Variants in CNOT1 observed in about 807,000 individuals in gnomAD.
CNOT1 encodes the protein CCR4-associated factor 1.
A neutral mutation model predicts 273.8 loss-of-function variants in CNOT1; 15 were observed. The observed-to-expected ratio is 0.05, with a 90% CI of 0.04 to 0.08. The LOEUF (loss-of-function observed/expected upper bound fraction) is 0.08, where lower values mean the gene tolerates loss of function less well. CNOT1 is among the 10% of genes least tolerant of loss of function. The pLI, the probability that CNOT1 is intolerant of heterozygous loss-of-function variation, is 1.00. For missense variants in CNOT1, 1,644 were observed against 2,912.2 expected, an observed-to-expected ratio of 0.56 and a Z score of 10.02; for synonymous variants, 1,022 against 1,005.5, an observed-to-expected ratio of 1.02 and a Z score of -0.31.
At chr16:58,581,927 T>C (rs1244442539) in intron 10 of CNOT1, among the ~76,000 whole-genome samples, 2 of 152,090 alleles carry the variant, frequency 1.3e-5, no homozygotes, top group African/African-American at 4.8e-5. Context: ...CCTCCCAAAA[T>C]GCTGGGATTA....
chr16:58,603,368 C>T (rs1466901955), intron 1 of CNOT1, among the ~76,000 whole-genome samples: 1 of 151,020 alleles, frequency 6.6e-6, no homozygotes, highest in Non-Finnish European at 1.5e-5. Flanking sequence ...TGCATTCCAG[C>T]CTGGGATAAC....
chr16:58,525,916 C>CCACAAA (rs759645848), intron 45 of CNOT1, 73 bp downstream of exon 45: 126 of 1,293,996 alleles, frequency 9.7e-5, no homozygotes, highest in Non-Finnish European at 1.3e-4. Context: ...CCCAAATGGA[C>CCACAAA]CACACACAGG....
chr16:58,538,199 G>A lies in CNOT1; in HGVS notation c.5203C>T (p.His1735Tyr). Residue 1735 changes from histidine (H) to tyrosine (Y), a missense_variant, in exon 37 of 49, where the codon CAT (histidine) becomes TAT (tyrosine). Physicochemically the swap from His to Tyr is moderately conservative, Grantham distance 83. Around this residue, in one of 13 missense-constraint regions of CNOT1, gnomAD observed 170 missense variants for 273.1 expected, o/e 0.62. Transcript: ENST00000317147. Reference sequence around the variant, plus strand: ...TCATACTGCTGCATATTAACCAAATGATTGCGAATTAGCAGCTCCACAGCC... The same window carrying A: ...TCATACTGCTGCATATTAACCAAATAATTGCGAATTAGCAGCTCCACAGCC... Reference protein sequence around the residue: ...VEAVELLIRNHLVNMQQYDLH... With the variant: ...VEAVELLIRNYLVNMQQYDLH... 2 of 1,527,016 alleles carry A rather than the reference G, an allele frequency of 1.3e-6. No individual in the cohort carries two copies. Among genetic ancestry groups the A allele is most frequent in the Non-Finnish European group, 1.8e-6 (2 of 1,100,368 alleles). 94.6% of individuals were successfully genotyped at this position (1,527,016 alleles called of 1,614,324 possible). A position where few individuals can be genotyped will look rare whatever the true frequency, so the allele number is the denominator to read the frequency against.
chr16:58,596,887 C>CAAAAAAA (rs58567423), intron 2 of CNOT1, among the ~76,000 whole-genome samples: 186 of 69,984 alleles, frequency 2.7e-3, no homozygotes, highest in Admixed American at 3.6e-3. Flanking sequence ...GACTCCGTCT[C>CAAAAAAA]AAAAAAAAAA....
chr16:58,565,314 G>A lies in CNOT1; in HGVS notation c.1980-4952C>T, dbSNP rs551677675. Among the ~76,000 whole-genome samples the A allele has an allele frequency of 4.6e-5, 7 of 151,968 alleles. No individual in the cohort carries two copies. The East Asian group carries it at 5.8e-4, about 13-fold the overall frequency. On this transcript the variant is annotated intron_variant, in intron 16 of 48. Coordinates refer to ENST00000317147, the MANE Select transcript of CNOT1 (RefSeq NM_016284.5). ...TTTTTTTTCAGAGACGGGGTTTCGC[G>A]ACATTGCCCAGGCTGGTCTCAAACT... is the stretch of plus-strand genomic sequence containing the variant.
chr16:58,540,828 G>A (rs757966983), intron 34 of CNOT1, among the ~76,000 whole-genome samples: 4 of 152,230 alleles, frequency 2.6e-5, no homozygotes, highest in Non-Finnish European at 2.9e-5. Context: ...ACTTACTATC[G>A]ACCGGTTCGG....
intron 2 of CNOT1, among the ~76,000 whole-genome samples, chr16:58,592,102 T>A (rs1437269049): frequency 6.6e-6 from 1 of 152,180 alleles, no homozygotes; most frequent in Non-Finnish European, 1.5e-5. Context: ...TTTTTAATTA[T>A]TTTACTCGTC....
In CNOT1 at chr16:58,576,400, C is replaced by T. The variant is rs1405659125; in HGVS notation, c.1704+63G>A. The T allele has an allele frequency of 4.2e-5, 67 of 1,603,710 alleles. No individual in the cohort carries two copies. In the East Asian group the frequency reaches 1.3e-3, roughly 31 times the overall value. On this transcript the variant is annotated intron_variant, in intron 14 of 48. Coordinates refer to ENST00000317147, the MANE Select transcript of CNOT1 (RefSeq NM_016284.5). Reference sequence around the variant, plus strand: ...TGCTGGGATTACAGGCATGAGCCACCGCGCCCGGCCTTTTTTTCTCATTAG... The same window carrying T: ...TGCTGGGATTACAGGCATGAGCCACTGCGCCCGGCCTTTTTTTCTCATTAG...
At chr16:58,602,628 G>C (rs2042515954) in intron 1 of CNOT1, among the ~76,000 whole-genome samples, 1 of 150,334 alleles carries the variant, frequency 6.7e-6, no homozygotes, top group Admixed American at 6.6e-5. Flanking sequence ...CTACCCAGGA[G>C]GTTGAGGCAG....
Position 58,520,938 on chromosome 16 carries a change from C to A in CNOT1, c.*20G>T. 6.2e-7 allele frequency: 1 copy of A among 1,610,796 alleles called. No individual in the cohort carries two copies. Among genetic ancestry groups the A allele is most frequent in the Middle Eastern group, 1.7e-4 (1 of 6,060 alleles). ...AGTGAGACCTCTAGACTGACACGTACAACAGAGATGCAGTTTCGTCTAACT... is the reference window on the plus strand; with the variant it reads ...AGTGAGACCTCTAGACTGACACGTAAAACAGAGATGCAGTTTCGTCTAACT... On this transcript the variant is annotated 3_prime_UTR_variant, in exon 49 of 49. Transcript: ENST00000317147.
intron 19 of CNOT1, 33 bp from the exon 20 acceptor site, chr16:58,555,941 T>G (rs768567876): frequency 6.2e-7 from 1 of 1,605,380 alleles, no homozygotes; most frequent in Non-Finnish European, 8.5e-7. Context: ...CAGTGGGCAT[T>G]TAAGCCCTTC....
At position 58,528,586 on chromosome 16, in the gene CNOT1, A is replaced by G. The variant is rs2039677205; in HGVS notation, c.6342T>C (p.His2114=). 3.7e-6 allele frequency: 6 copies of G among 1,613,650 alleles called. No homozygotes were observed. Among genetic ancestry groups the G allele is most frequent in the Non-Finnish European group, 5.1e-6 (6 of 1,179,624 alleles). The part of the protein sequence containing the change: ...HDFPEFLCDY[H]YGFCDVIPPN... ...GTGGGATCACATCACAGAACCCATA[A>G]TGGTAATCACAAAGGAACTCTGGGA... is the stretch of plus-strand genomic sequence containing the variant. The change falls in exon 44 of 49, where the codon CAT becomes CAC. Residue 2114 remains histidine, a synonymous_variant. Coordinates refer to ENST00000317147, the MANE Select transcript of CNOT1 (RefSeq NM_016284.5).
intron 29 of CNOT1, 120 bp from the exon 30 acceptor site, chr16:58,545,611 G>C: frequency 7.5e-6 from 11 of 1,473,402 alleles, no homozygotes; most frequent in East Asian, 2.5e-5. Context: ...GGAGAGGAGG[G>C]AAGGATGTAG....
At chr16:58,539,624 G>GAAAAA in intron 35 of CNOT1, 144 bp downstream of exon 35, 1 of 681,132 alleles carries the variant, frequency 1.5e-6, no homozygotes, top group East Asian at 3.5e-5. Context: ...TTCTACGTTG[G>GAAAAA]AAAAAAAAAA....
At chr16:58,585,310 C>T (rs374481463) in intron 8 of CNOT1, 28 bp downstream of exon 8, 31 of 1,611,284 alleles carry the variant, frequency 1.9e-5, no homozygotes, top group Middle Eastern at 1.7e-4. Context: ...CAAGAATAAT[C>T]AGAAGCTTAA....
chr16:58,557,396 C>G (rs1424335318), intron 18 of CNOT1, among the ~76,000 whole-genome samples: 1 of 152,128 alleles, frequency 6.6e-6, no homozygotes, highest in Admixed American at 6.5e-5. Flanking sequence ...TTATTCCTCT[C>G]AACTCCGACA....
chr16:58,606,021 A>G (rs1221277680), intron 1 of CNOT1, among the ~76,000 whole-genome samples: 1 of 152,110 alleles, frequency 6.6e-6, no homozygotes, highest in Non-Finnish European at 1.5e-5. Context: ...GTGCAAATGA[A>G]AGGTCACTGA....
chr16:58,586,607 T>C lies in CNOT1; in HGVS notation c.575A>G (p.Gln192Arg). ...TTGTCCAACTCCAAAGGCTCCCTTC[T>C]GCCCAAAGAGGAGATGGGAGAGGAG... ...HLLLSHLLFGQKGAFGVGQEQ... is the reference protein window; with the variant it reads ...HLLLSHLLFGRKGAFGVGQEQ... The change falls in exon 7 of 49, where the codon CAG (glutamine) becomes CGG (arginine). Residue 192 changes from glutamine to arginine, a missense_variant. Physicochemically the swap from Gln to Arg is conservative, Grantham distance 43. Transcript: ENST00000317147. 1 of 1,612,640 alleles carries C rather than the reference T, an allele frequency of 6.2e-7. No homozygotes were observed. The highest frequency in any genetic ancestry group is 1.1e-5 in the South Asian group (1 of 91,032).
chr16:58,586,773 C>T (rs764318333), intron 6 of CNOT1, 25 bp from the exon 7 acceptor site: 47 of 1,609,014 alleles, frequency 2.9e-5, no homozygotes, highest in Non-Finnish European at 3.9e-5. Flanking sequence ...AACCAAAAAC[C>T]GCAAGTTACT....
Sources: gnomAD v4.1 joint callset for allele counts (sites outside exome capture counted in the v4.1 genomes callset) on GRCh38, gnomAD v4.1.1 for gene constraint, gnomAD v4.1.1 regional missense constraint, MANE v1.5 for transcripts, NCBI Gene and HGNC (gene_info 2026-07-23, HGNC 2026-07-21) for gene names.